Variants in RXRA observed in about 807,000 individuals in gnomAD.
RXRA encodes the protein retinoic acid receptor RXR-alpha.
In RXRA, 5 loss-of-function variants were observed where a neutral mutation model predicts 44.5. The observed-to-expected ratio is 0.11, with a 90% confidence interval of 0.06 to 0.24. RXRA has a LOEUF of 0.24. RXRA is among the 10% of genes least tolerant of loss of function. The pLI, the probability that RXRA is intolerant of heterozygous loss-of-function variation, is 1.00. For missense variants in RXRA, 412 were observed against 646.5 expected (o/e 0.64, Z 3.93); for synonymous variants, 291 against 271.4 (o/e 1.07, Z -0.71).
intron 1 of RXRA, among the ~76,000 whole-genome samples, chr9:134,344,248 A>G (rs1402818429): frequency 3.3e-5 from 5 of 151,976 alleles, no homozygotes; most frequent in Admixed American, 6.6e-5. Flanking sequence ...TGGCACCGGC[A>G]TGTGCGGAGG....
chr9:134,351,985 G>A (rs1324122651), intron 1 of RXRA, among the ~76,000 whole-genome samples: 10 of 152,236 alleles, frequency 6.6e-5, no homozygotes, highest in Admixed American at 6.5e-4. Context: ...GGGGGCTGAG[G>A]TTGAGAGTCC....
intron 1 of RXRA, among the ~76,000 whole-genome samples, chr9:134,359,980 G>T (rs932340493): frequency 1.3e-5 from 2 of 152,232 alleles, no homozygotes; most frequent in African/African-American, 4.8e-5. Context: ...TTCTGGAGCC[G>T]CGGGGGTCCC....
chr9:134,353,186 T>A (rs1830242563), intron 1 of RXRA, among the ~76,000 whole-genome samples: 1 of 151,990 alleles, frequency 6.6e-6, no homozygotes, highest in Admixed American at 6.5e-5. Flanking sequence ...TCCCAACTTT[T>A]ACTTTTGAAA....
intron 4 of RXRA, among the ~76,000 whole-genome samples, chr9:134,414,620 G>C (rs570601690): frequency 6.6e-6 from 1 of 152,368 alleles, no homozygotes; most frequent in Admixed American, 6.5e-5. Context: ...GCTGCTCACT[G>C]TCTTGAGCGC....
At chr9:134,354,555 A>G (rs1444304522) in intron 1 of RXRA, among the ~76,000 whole-genome samples, 1 of 152,202 alleles carries the variant, frequency 6.6e-6, no homozygotes, top group Non-Finnish European at 1.5e-5. Flanking sequence ...GCCACACCCC[A>G]GACCCATCAG....
At chr9:134,355,131 G>A (rs532662572) in intron 1 of RXRA, among the ~76,000 whole-genome samples, 2 of 152,344 alleles carry the variant, frequency 1.3e-5, no homozygotes, top group African/African-American at 4.8e-5. Context: ...AGGTGGGGCT[G>A]GGGCTGGGCC....
chr9:134,383,429 C>T (rs1830674939), intron 1 of RXRA, among the ~76,000 whole-genome samples: 1 of 152,170 alleles, frequency 6.6e-6, no homozygotes, highest in African/African-American at 2.4e-5. Flanking sequence ...TTGGACCTTG[C>T]CTGTCCCCTC....
chr9:134,428,065 G>A (rs1418006720), intron 6 of RXRA, among the ~76,000 whole-genome samples: 1 of 152,164 alleles, frequency 6.6e-6, no homozygotes, highest in Non-Finnish European at 1.5e-5. Context: ...ACAGCAGTGC[G>A]TGTGCACGCG....
At chr9:134,328,697 G>T (rs7855881) in intron 1 of RXRA, among the ~76,000 whole-genome samples, 7,700 of 152,270 alleles carry the variant, frequency 0.051, 640 homozygotes, top group African/African-American at 0.17. Flanking sequence ...ATCCCTCCTC[G>T]GGGTGAGTGG....
At chr9:134,359,613 C>T (rs1264868170) in intron 1 of RXRA, among the ~76,000 whole-genome samples, 1 of 152,180 alleles carries the variant, frequency 6.6e-6, no homozygotes, top group Non-Finnish European at 1.5e-5. Context: ...GGGGTGTGAC[C>T]TACCCCCTGC....
chr9:134,397,359 A>G (rs527630701), intron 1 of RXRA, among the ~76,000 whole-genome samples: 42 of 152,270 alleles, frequency 2.8e-4, no homozygotes, highest in Middle Eastern at 3.4e-3. Flanking sequence ...GACACTCAGG[A>G]TCTGCCATCT....
intron 6 of RXRA, chr9:134,423,157 C>G (rs1163608614): frequency 4.1e-6 from 4 of 985,446 alleles, no homozygotes; most frequent in Non-Finnish European, 4.8e-6. Context: ...GGGGCTGGTT[C>G]TTGCCGAGTC....
chr9:134,374,196 C>CA (rs1830524487), intron 1 of RXRA: 1 of 152,272 alleles, frequency 6.6e-6, no homozygotes, highest in Admixed American at 6.5e-5. Flanking sequence ...GTCAGATGCC[C>CA]AAGGCCCTAC....
intron 1 of RXRA, among the ~76,000 whole-genome samples, chr9:134,326,954 C>T (rs1179528262): frequency 9.9e-5 from 15 of 150,930 alleles, no homozygotes; most frequent in Non-Finnish European, 2.1e-4. Context: ...GCCGCCTGCG[C>T]CCCGGCGCCC....
At chr9:134,346,534 T>G (rs2119036047) in intron 1 of RXRA, among the ~76,000 whole-genome samples, 1 of 152,244 alleles carries the variant, frequency 6.6e-6, no homozygotes. Flanking sequence ...TGTTGGGGGC[T>G]CTCGTTAATC....
At chr9:134,399,266 G>GTT in intron 1 of RXRA, among the ~76,000 whole-genome samples, 1 of 152,228 alleles carries the variant, frequency 6.6e-6, no homozygotes, top group African/African-American at 2.4e-5. Context: ...CTGGCCTAGG[G>GTT]GCAGCTGCAG....
In RXRA at chr9:134,433,647, C is replaced by G. The variant is rs780467329; in HGVS notation, c.1136-455C>G. Among the ~76,000 whole-genome samples, 3 of 152,090 alleles carry G rather than the reference C, an allele frequency of 2.0e-5. No individual in the cohort carries two copies. The highest frequency in any genetic ancestry group is 1.3e-4 in the Admixed American group (2 of 15,280). On this transcript the variant is annotated intron_variant, in intron 8 of 9. Transcript: ENST00000481739. The surrounding 1 kb of genome is among the most constrained non-coding windows in gnomAD (Gnocchi z 4.2). The stretch of plus-strand genomic sequence containing the variant: ...TGAGCTCAGGACTCCGCAAGCACAC[C>G]GAGGATGGGTTTCCGCAGGGTCTGG...
chr9:134,427,819 C>T (rs1831459830), intron 6 of RXRA, among the ~76,000 whole-genome samples: 1 of 152,226 alleles, frequency 6.6e-6, no homozygotes, highest in African/African-American at 2.4e-5. Flanking sequence ...TGCCAGTTTT[C>T]CAGGATTACA....
chr9:134,382,125 T>TGG (rs77219272), intron 1 of RXRA, among the ~76,000 whole-genome samples: 3,299 of 151,814 alleles, frequency 0.022, 48 homozygotes, highest in Admixed American at 0.044. Flanking sequence ...TGCCAGGATG[T>TGG]GGGGGGGCGC....
Sources: allele counts gnomAD v4.1 joint callset (sites outside exome capture counted in the v4.1 genomes callset), GRCh38; gene constraint gnomAD v4.1.1; non-coding constraint Gnocchi (gnomAD v3.1); transcripts MANE v1.5; gene names NCBI Gene and HGNC (gene_info 2026-07-23, HGNC 2026-07-21).